Variants in GPATCH11 observed in about 807,000 individuals in gnomAD.
The protein encoded by GPATCH11 is G patch domain-containing protein 11.
In GPATCH11, 32 loss-of-function variants were observed where a neutral mutation model predicts 44.8. The observed-to-expected ratio is 0.71, with a 90% CI of 0.54 to 0.96. GPATCH11 has a LOEUF of 0.96. GPATCH11 is among the 40% of genes least tolerant of loss of function. GPATCH11 has a pLI of 0.00. For missense variants in GPATCH11, 324 were observed against 303.1 expected (o/e 1.07, Z -0.51); for synonymous variants, 84 against 94.4 (o/e 0.89, Z 0.64).
chr2:37,084,568 C>G lies in GPATCH11; in HGVS notation c.-16C>G, dbSNP rs1224663580. The G allele has an allele frequency of 1.6e-6, 2 of 1,232,178 alleles. No individual in the cohort carries two copies. Among genetic ancestry groups the G allele is most frequent in the African/African-American group, 3.1e-5 (2 of 64,426 alleles). 76.3% of individuals were successfully genotyped at this position (1,232,178 alleles called of 1,614,324 possible). On this transcript the variant is annotated splice_region_variant and 5_prime_UTR_variant, in exon 1 of 9. Transcript: ENST00000674370. ...TGAACCGGGGCGAGCAGAGAGCTGT[C>G]AGGTAAGAGAGCTGTCAGGTAAGGG... is the stretch of plus-strand genomic sequence containing the variant.
intron 1 of GPATCH11, among the ~76,000 whole-genome samples, chr2:37,085,937 G>A (rs1216513880): frequency 6.6e-6 from 1 of 152,194 alleles, no homozygotes; most frequent in African/African-American, 2.4e-5. Context: ...ATGAGTTTGT[G>A]CTGGCTTTTA....
Position 37,097,931 on chromosome 2 carries a change from A to T in GPATCH11, c.*1668A>T, listed in dbSNP as rs1166611785. 2 of 152,200 alleles carry T rather than the reference A, an allele frequency of 1.3e-5. No individual in the cohort carries two copies. Among genetic ancestry groups the T allele is most frequent in the African/African-American group, 2.4e-5 (1 of 41,450 alleles). 9.4% of individuals were successfully genotyped at this position (152,200 alleles called of 1,614,324 possible). On this transcript the variant is annotated 3_prime_UTR_variant, in exon 9 of 9. Coordinates refer to ENST00000674370, the MANE Select transcript of GPATCH11 (RefSeq NM_174931.4). ...CTGGGCCTCAGTTCTTCATCCAGAA[A>T]ACTAATCATTATTTTTATGAATGTA...
Position 37,090,739 on chromosome 2 carries a change from G to A in GPATCH11, c.328+17G>A, listed in dbSNP as rs997837460. ...TCAAAACAGGTACGTAATTATTTTG[G>A]AGCATATTTGCCAATAATAATAACT... On this transcript the variant is annotated intron_variant, in intron 4 of 8. Coordinates refer to ENST00000674370, the MANE Select transcript of GPATCH11 (RefSeq NM_174931.4). 1 of 1,253,344 alleles carries A rather than the reference G, an allele frequency of 8.0e-7. No individual in the cohort carries two copies. The highest frequency in any genetic ancestry group is 1.4e-5 in the South Asian group (1 of 73,756). 77.6% of individuals were successfully genotyped at this position (1,253,344 alleles called of 1,614,324 possible).
intron 2 of GPATCH11, 66 bp from the exon 3 acceptor site, chr2:37,089,574 T>TAA (rs371385606): frequency 2.1e-3 from 1,983 of 953,264 alleles, no homozygotes; most frequent in Non-Finnish European, 2.3e-3. Context: ...TCTCAAAAAA[T>TAA]AAAAAAAAAA....
intron 3 of GPATCH11, among the ~76,000 whole-genome samples, chr2:37,090,079 G>A (rs774865182): frequency 3.9e-5 from 6 of 152,222 alleles, no homozygotes; most frequent in Non-Finnish European, 7.3e-5. Flanking sequence ...CTGCTTATCA[G>A]CCCAGCTTAG....
chr2:37,090,414 G>C (rs1369608732), intron 3 of GPATCH11, among the ~76,000 whole-genome samples: 1 of 152,166 alleles, frequency 6.6e-6, no homozygotes, highest in East Asian at 1.9e-4. Context: ...TCACCGTCTT[G>C]CACCAATAAT....
chr2:37,098,915 TGAG>T lies in GPATCH11; in HGVS notation c.*2653_*2655del, dbSNP rs1673735295. ...TAAAAAAAAAATCAGACTTTCAATA[TGAG>T]TAACAAGTTATTTTTAGGCCTTTTA... is the stretch of plus-strand genomic sequence containing the variant. On this transcript the variant is annotated 3_prime_UTR_variant, in exon 9 of 9. Coordinates refer to ENST00000674370, the MANE Select transcript of GPATCH11 (RefSeq NM_174931.4). 1 of 152,146 alleles carries T rather than the reference TGAG, an allele frequency of 6.6e-6. No homozygotes were observed. Among genetic ancestry groups the T allele is most frequent in the South Asian group, 2.1e-4 (1 of 4,834 alleles). 9.4% of individuals were successfully genotyped at this position (152,146 alleles called of 1,614,324 possible). A position where few individuals can be genotyped will look rare whatever the true frequency, so the allele number is the denominator to read the frequency against.
chr2:37,088,632 T>C (rs1673161815), intron 2 of GPATCH11, among the ~76,000 whole-genome samples, 192 bp downstream of exon 2: 1 of 152,218 alleles, frequency 6.6e-6, no homozygotes, highest in Non-Finnish European at 1.5e-5. Flanking sequence ...TCCTCCCATC[T>C]TGGCCTCCCG....
intron 4 of GPATCH11, among the ~76,000 whole-genome samples, chr2:37,091,605 C>T (rs1430457116): frequency 6.6e-6 from 1 of 152,080 alleles, no homozygotes; most frequent in East Asian, 1.9e-4. Context: ...TTGCTTAATA[C>T]TTGGATGAAT....
rs1673265396 is a variant in GPATCH11, at chr2:37,090,533, A to G, written c.287-148A>G. 3 of 552,722 alleles carry G rather than the reference A, an allele frequency of 5.4e-6. No homozygotes were observed. In the East Asian group the frequency reaches 1.1e-4, roughly 20 times the overall value. The allele number at this position is 552,722 out of a possible 1,614,324, so 34.2% of individuals were successfully genotyped here. Reference sequence around the variant, plus strand: ...AGACAAGGTAGATAATTGATTATATATAGAATATATATAGATGTTCAGATT... The same window carrying G: ...AGACAAGGTAGATAATTGATTATATGTAGAATATATATAGATGTTCAGATT... On this transcript the variant is annotated intron_variant, in intron 3 of 8. Coordinates refer to ENST00000674370, the MANE Select transcript of GPATCH11 (RefSeq NM_174931.4).
At position 37,088,361 on chromosome 2, in the gene GPATCH11, A is replaced by AT. The variant is rs764987124; in HGVS notation, c.-13-5dup. 7.2e-7 allele frequency: 1 copy of AT among 1,390,920 alleles called. No homozygotes were observed. The highest frequency in any genetic ancestry group is 9.9e-7 in the Non-Finnish European group (1 of 1,014,856). The allele number at this position is 1,390,920 out of a possible 1,614,324, so 86.2% of individuals were successfully genotyped here. A position where few individuals can be genotyped will look rare whatever the true frequency, so the allele number is the denominator to read the frequency against. On this transcript the variant is annotated splice_region_variant and splice_polypyrimidine_tract_variant and intron_variant, in intron 1 of 8. Coordinates refer to ENST00000674370, the MANE Select transcript of GPATCH11 (RefSeq NM_174931.4). ...TAAAAAAAAAAGTAATTATTACTTT[A>AT]TTTGTAGATACTATAGCCATATGAA...
At chr2:37,091,431 G>A (rs765629243) in intron 4 of GPATCH11, among the ~76,000 whole-genome samples, 6 of 151,882 alleles carry the variant, frequency 4.0e-5, no homozygotes, top group Non-Finnish European at 5.9e-5. Context: ...GTAGTGGCAC[G>A]CACCTGTAGT....
intron 2 of GPATCH11, among the ~76,000 whole-genome samples, chr2:37,089,213 G>A (rs1308144943): frequency 2.0e-5 from 3 of 152,152 alleles, no homozygotes; most frequent in Non-Finnish European, 4.4e-5. Flanking sequence ...TAATAACAAA[G>A]ATGATCATAG....
rs976259828 is a variant in GPATCH11 at position 37,092,416 on chromosome 2, T to C, written c.540+161T>C. Among the ~76,000 whole-genome samples, 7 of 146,240 alleles carry C rather than the reference T, an allele frequency of 4.8e-5. No individual in the cohort carries two copies. In the Admixed American group the frequency reaches 4.8e-4, roughly 10 times the overall value. On this transcript the variant is annotated intron_variant, in intron 6 of 8. Transcript: ENST00000674370. ...ATTACATATATTTATATGTATCATA[T>C]ATATTTATATATTTTTTACATATGT... is the stretch of plus-strand genomic sequence containing the variant.
In GPATCH11 at chr2:37,089,722, T is replaced by A; in HGVS notation, c.142T>A (p.Leu48Met). 2 of 1,551,674 alleles carry A rather than the reference T, an allele frequency of 1.3e-6. No individual in the cohort carries two copies. Among genetic ancestry groups the A allele is most frequent in the Non-Finnish European group, 1.7e-6 (2 of 1,147,004 alleles). Residue 48 changes from leucine to methionine, a missense_variant, in exon 3 of 9, where the codon TTG becomes ATG. Physicochemically the swap from Leu to Met is conservative, Grantham distance 15. Coordinates refer to ENST00000674370, the MANE Select transcript of GPATCH11 (RefSeq NM_174931.4). ...RKEEKQQEAN[L>M]KNRQKSLKEE... ...AGAAGAAAAGCAACAGGAAGCCAAT[T>A]TGAAAAACAGGCAGAAGAGTTTAAA...
chr2:37,088,454 C>T lies in GPATCH11; in HGVS notation c.59+14C>T. 7.6e-7 allele frequency: 1 copy of T among 1,321,112 alleles called. No homozygotes were observed. The highest frequency in any genetic ancestry group is 1.1e-6 in the Non-Finnish European group (1 of 922,880). The allele number at this position is 1,321,112 out of a possible 1,614,324, so 81.8% of individuals were successfully genotyped here. On this transcript the variant is annotated intron_variant, in intron 2 of 8. Transcript: ENST00000674370. ...CATTAATGTCCAGTAAGTAAATGTG[C>T]ACACCCAGTGCAATGATATGTATAA...
rs769572792 is a variant in GPATCH11, at chr2:37,095,501, G to A, written c.719G>A (p.Cys240Tyr). 1 of 1,602,936 alleles carries A rather than the reference G, an allele frequency of 6.2e-7. No individual in the cohort carries two copies. The highest frequency in any genetic ancestry group is 1.1e-5 in the South Asian group (1 of 88,676). ...LREEHLYCIW[C>Y]GTAYEDKEDL... The stretch of plus-strand genomic sequence containing the variant: ...GAAGAACATCTATATTGTATTTGGT[G>A]TGGAACAGCCTATGAAGGTAAGAAA... Residue 240 changes from cysteine (C) to tyrosine (Y), a missense_variant, in exon 8 of 9, where the codon TGT becomes TAT. Transcript: ENST00000674370.
At chr2:37,084,868 A>G (rs1333310158) in intron 1 of GPATCH11, among the ~76,000 whole-genome samples, 1 of 152,182 alleles carries the variant, frequency 6.6e-6, no homozygotes, top group East Asian at 1.9e-4. Context: ...TAAAAAAACA[A>G]AAACAAACCT....
chr2:37,092,584 T>A (rs980551741), intron 6 of GPATCH11, among the ~76,000 whole-genome samples: 4 of 149,714 alleles, frequency 2.7e-5, no homozygotes, highest in African/African-American at 4.9e-5. Flanking sequence ...ACAATTGATA[T>A]AAAAATGGCT....
Sources: gnomAD v4.1 joint callset for allele counts (sites outside exome capture counted in the v4.1 genomes callset) on GRCh38, gnomAD v4.1.1 for gene constraint, MANE v1.5 for transcripts, NCBI Gene and HGNC (gene_info 2026-07-23, HGNC 2026-07-21) for gene names.